The following MORC2 variants were observed in gnomAD, a reference collection of about 807,000 sequenced individuals.
The protein encoded by MORC2 is MORC family CW-type zinc finger 2.
MORC2 carries 30 observed loss-of-function variants against 136.0 expected under a neutral mutation model. The ratio of observed to expected loss-of-function variants is 0.22; its 90% CI spans 0.17 to 0.30. The LOEUF (loss-of-function observed/expected upper bound fraction) is 0.30. MORC2 is among the 10% of genes least tolerant of loss of function. The pLI, the probability that MORC2 is intolerant of heterozygous loss-of-function variation, is 1.00. For missense variants in MORC2, 922 were observed against 1,333.1 expected (o/e 0.69, Z 4.80); for synonymous variants, 439 against 487.0 (o/e 0.90, Z 1.30).
At chr22:30,958,843 A>C in intron 1 of MORC2, 149 bp from the exon 2 acceptor site, 1 of 617,610 alleles carries the variant, frequency 1.6e-6, no homozygotes, top group Non-Finnish European at 2.8e-6. Flanking sequence ...GGCTTTCCAG[A>C]GCTCCCCAAC....
In MORC2 at chr22:30,968,100, T is replaced by C. The variant is rs1048168198; in HGVS notation, c.-211A>G. 7 of 543,994 alleles carry C rather than the reference T, an allele frequency of 1.3e-5. No homozygotes were observed. In the African/African-American group the frequency reaches 1.3e-4, roughly 10 times the overall value. The allele number at this position is 543,994 out of a possible 1,614,324, so 33.7% of individuals were successfully genotyped here. A position where few individuals can be genotyped will look rare whatever the true frequency, so the allele number is the denominator to read the frequency against. On this transcript the variant is annotated 5_prime_UTR_variant, in exon 1 of 26. Transcript: ENST00000397641. ...GTTTTTTTTTAATCTTCTCAATGAT[T>C]TATGATGTAATATTTTGGAAGGAAC... is the stretch of plus-strand genomic sequence containing the variant.
At chr22:30,933,618 G>T in intron 20 of MORC2, 98 bp from the exon 21 acceptor site, 2 of 1,189,054 alleles carry the variant, frequency 1.7e-6, no homozygotes, top group South Asian at 1.3e-5. Flanking sequence ...TCATCTTCAC[G>T]ACTTCCTGTG....
At chr22:30,962,966 A>T (rs967742556) in intron 1 of MORC2, among the ~76,000 whole-genome samples, 2 of 152,054 alleles carry the variant, frequency 1.3e-5, no homozygotes, top group African/African-American at 4.8e-5. Context: ...TAGAGTAAAC[A>T]TCAAAAGAAA....
chr22:30,942,367 A>C, intron 6 of MORC2, 96 bp from the exon 7 acceptor site: 11 of 1,386,840 alleles, frequency 7.9e-6, no homozygotes, highest in Non-Finnish European at 1.1e-5. Flanking sequence ...CAGCAGCTCC[A>C]CACTGCCCTG....
chr22:30,939,903 C>G, intron 11 of MORC2, 56 bp downstream of exon 11: 1 of 1,561,140 alleles, frequency 6.4e-7, no homozygotes, highest in Non-Finnish European at 8.8e-7. Flanking sequence ...GCTCATGGGA[C>G]ATGGGCTCCT....
At chr22:30,953,143 C>T (rs933536670) in intron 3 of MORC2, among the ~76,000 whole-genome samples, 4 of 152,170 alleles carry the variant, frequency 2.6e-5, no homozygotes, top group African/African-American at 4.8e-5. Flanking sequence ...TCATATATTC[C>T]ACCATAGAGA....
In MORC2 at chr22:30,940,857, A is replaced by G; in HGVS notation, c.825-20T>C. 1 of 1,609,538 alleles carries G rather than the reference A, an allele frequency of 6.2e-7. No homozygotes were observed. Among genetic ancestry groups the G allele is most frequent in the Non-Finnish European group, 8.5e-7 (1 of 1,175,854 alleles). ...TACATCCTGATCAGTAGAAAAAGCAAGCTGATGGCCCACGCAGCAGTGGGG... is the reference window on the plus strand; with the variant it reads ...TACATCCTGATCAGTAGAAAAAGCAGGCTGATGGCCCACGCAGCAGTGGGG... On this transcript the variant is annotated intron_variant, in intron 9 of 25. Transcript: ENST00000397641.
At chr22:30,927,227 G>C (rs1168702597) in intron 25 of MORC2, among the ~76,000 whole-genome samples, 1 of 152,040 alleles carries the variant, frequency 6.6e-6, no homozygotes, top group Non-Finnish European at 1.5e-5. Context: ...CCTCACAGGA[G>C]GCTCTGGTTC....
Position 30,932,417 on chromosome 22 carries a change from G to A in MORC2, c.2783C>T (p.Pro928Leu). Residue 928 changes from proline to leucine, a missense_variant, in exon 24 of 26, where the codon CCC becomes CTC. Around this residue, in one of 9 missense-constraint regions of MORC2, gnomAD observed 263 missense variants for 388.3 expected, o/e 0.68. Transcript: ENST00000397641. This position sits in a 1 kb window ranked among gnomAD's most constrained non-coding sequence, Gnocchi z 4.4. ...CLRYFLPPSF[P>L]ISKKQLSAMN... ...AGCACTCAGCTGCTTCTTGGAGATG[G>A]GGAAACTTGGAGGCAGGAAGTACCG... 1 of 1,614,154 alleles carries A rather than the reference G, an allele frequency of 6.2e-7. No homozygotes were observed. Among genetic ancestry groups the A allele is most frequent in the Non-Finnish European group, 8.5e-7 (1 of 1,180,004 alleles).
Position 30,941,541 on chromosome 22 carries a change from G to A in MORC2, c.716C>T (p.Ser239Leu), listed in dbSNP as rs1387852860. The A allele has an allele frequency of 3.7e-6, 6 of 1,613,392 alleles. No individual in the cohort carries two copies. The highest frequency in any genetic ancestry group is 1.1e-5 in the South Asian group (1 of 91,072). The change falls in exon 9 of 26, where the codon TCG becomes TTG. Residue 239 changes from serine to leucine, a missense_variant. Physicochemically the swap from Ser to Leu is moderately radical, Grantham distance 145. Around this residue, in one of 9 missense-constraint regions of MORC2, gnomAD observed 261 missense variants for 354.3 expected, o/e 0.74. Transcript: ENST00000397641. The surrounding 1 kb of genome is among the most constrained non-coding windows in gnomAD (Gnocchi z 4.6). ...SPEGTKPERR[S>L]FRAYAAVLYI... ...GAGCACAGCGGCATAGGCACGGAAC[G>A]AGCGCCGCTCTGGCTTCCTGGAGAG...
chr22:30,929,000 T>C (rs2040532307), intron 24 of MORC2, among the ~76,000 whole-genome samples: 1 of 152,236 alleles, frequency 6.6e-6, no homozygotes. Context: ...TGCAGTCTTA[T>C]CAACTCTGGT....
At chr22:30,938,578 A>AT (rs1337662860) in intron 12 of MORC2, among the ~76,000 whole-genome samples, 1 of 151,596 alleles carries the variant, frequency 6.6e-6, no homozygotes, top group Non-Finnish European at 1.5e-5. Context: ...AATTATTATA[A>AT]TTTTTTTTTG....
chr22:30,966,291 AAC>A (rs1286364571), intron 1 of MORC2, among the ~76,000 whole-genome samples: 31 of 152,330 alleles, frequency 2.0e-4, no homozygotes, highest in African/African-American at 5.8e-4. Flanking sequence ...CCATTTATCA[AAC>A]ACAGTCATCC....
chr22:30,957,403 A>T (rs1255076061), intron 2 of MORC2, among the ~76,000 whole-genome samples: 1 of 152,248 alleles, frequency 6.6e-6, no homozygotes, highest in Non-Finnish European at 1.5e-5. Flanking sequence ...ATCAATGAAG[A>T]CTTCCATAAA....
In MORC2 at chr22:30,941,557, T is replaced by G; in HGVS notation, c.700A>C (p.Lys234Gln). ...QMAETSPEGT[K>Q]PERRSFRAYA... ...GCACGGAACGAGCGCCGCTCTGGCTTCCTGGAGAGGGCAAAAACAGAGAAG... is the reference window on the plus strand; with the variant it reads ...GCACGGAACGAGCGCCGCTCTGGCTGCCTGGAGAGGGCAAAAACAGAGAAG... Residue 234 changes from lysine to glutamine, a missense_variant and splice_region_variant, in exon 9 of 26, where the codon AAG becomes CAG. By Grantham distance (53) the Lys-to-Gln change is moderately conservative. Transcript: ENST00000397641. This position sits in a 1 kb window ranked among gnomAD's most constrained non-coding sequence, Gnocchi z 4.6. 1 of 1,612,030 alleles carries G rather than the reference T, an allele frequency of 6.2e-7. No individual in the cohort carries two copies. Among genetic ancestry groups the G allele is most frequent in the Non-Finnish European group, 8.5e-7 (1 of 1,178,438 alleles).
chr22:30,927,927 G>A, intron 25 of MORC2, 92 bp downstream of exon 25: 7 of 1,467,082 alleles, frequency 4.8e-6, no homozygotes, highest in Non-Finnish European at 6.5e-6. Flanking sequence ...CCTGTGAGTG[G>A]ATAGATTCTT....
chr22:30,939,885 T>A, intron 11 of MORC2, 74 bp downstream of exon 11: 1 of 1,496,504 alleles, frequency 6.7e-7, no homozygotes, highest in Non-Finnish European at 9.2e-7. Flanking sequence ...TGTGTTTTAC[T>A]TGACCAGGCT....
chr22:30,955,860 A>T (rs1303407664), intron 3 of MORC2, among the ~76,000 whole-genome samples: 1 of 151,894 alleles, frequency 6.6e-6, no homozygotes, highest in Admixed American at 6.6e-5. Context: ...AATACAAAAA[A>T]TTAGCCGGGT....
rs1290113165 is a variant in MORC2, at chr22:30,938,326, A to G, written c.1074-121T>C. The G allele has an allele frequency of 7.1e-6, 8 of 1,122,708 alleles. No homozygotes were observed. The Admixed American group carries it at 1.7e-4, about 23-fold the overall frequency. The allele number at this position is 1,122,708 out of a possible 1,614,324, so 69.5% of individuals were successfully genotyped here. On this transcript the variant is annotated intron_variant, in intron 12 of 25. Transcript: ENST00000397641. Reference sequence around the variant, plus strand: ...GTTAAGCCAAAAGTTTTGTATCTCTATTTGATGTGTAACCTGTTAGACTTG... The same window carrying G: ...GTTAAGCCAAAAGTTTTGTATCTCTGTTTGATGTGTAACCTGTTAGACTTG...
Sources: allele counts gnomAD v4.1 joint callset (sites outside exome capture counted in the v4.1 genomes callset), GRCh38; gene constraint gnomAD v4.1.1; regional missense constraint gnomAD v4.1.1; non-coding constraint Gnocchi (gnomAD v3.1); transcripts MANE v1.5; gene names NCBI Gene and HGNC (gene_info 2026-07-23, HGNC 2026-07-21).